HELLS: variants seen among roughly 807,000 people sequenced by gnomAD.
The protein encoded by HELLS is helicase, lymphoid specific.
In HELLS, 32 loss-of-function variants were observed where a neutral mutation model predicts 120.0. The ratio of observed to expected loss-of-function variants is 0.27; its 90% CI spans 0.20 to 0.36. The LOEUF (loss-of-function observed/expected upper bound fraction) is 0.36, where lower values mean the gene tolerates loss of function less well. Ranked by LOEUF, HELLS falls within the 10% of genes least tolerant of loss-of-function variation. The pLI is 1.00. For synonymous variants in HELLS, 341 were observed against 323.4 expected, an observed-to-expected ratio of 1.05 and a Z score of -0.58; for missense variants, 650 against 993.4, an observed-to-expected ratio of 0.65 and a Z score of 4.65.
intron 11 of HELLS, among the ~76,000 whole-genome samples, chr10:94,582,198 T>A (rs1438357054): frequency 6.6e-6 from 1 of 152,184 alleles, no homozygotes; most frequent in African/African-American, 2.4e-5. Context: ...TAATTTTAAA[T>A]TTTGGGAATT....
At chr10:94,549,877 A>AT (rs1452549242) in intron 2 of HELLS, among the ~76,000 whole-genome samples, 1 of 152,064 alleles carries the variant, frequency 6.6e-6, no homozygotes, top group East Asian at 1.9e-4. Flanking sequence ...ATTGTATATT[A>AT]TTTTTTTCCA....
At chr10:94,594,631 C>A in intron 18 of HELLS, 64 bp from the exon 19 acceptor site, 2 of 1,225,536 alleles carry the variant, frequency 1.6e-6, no homozygotes, top group Admixed American at 2.2e-5. Flanking sequence ...TGACTTTATC[C>A]ACATGAGTTT....
intron 10 of HELLS, 200 bp downstream of exon 10, chr10:94,577,005 A>G: frequency 5.0e-6 from 3 of 602,928 alleles, no homozygotes; most frequent in Admixed American, 3.0e-5. Flanking sequence ...TTGTAACAAT[A>G]TAATTAAAGC....
At chr10:94,559,281 G>T (rs1843429674) in intron 4 of HELLS, among the ~76,000 whole-genome samples, 1 of 151,966 alleles carries the variant, frequency 6.6e-6, no homozygotes. Flanking sequence ...TGGTGATTTT[G>T]CTGTTAAAAT....
In HELLS at chr10:94,601,522, C is replaced by T. The variant is rs781208007; in HGVS notation, c.2423-6C>T. 5.7e-6 allele frequency: 8 copies of T among 1,412,516 alleles called. No homozygotes were observed. The East Asian group carries it at 1.2e-4, about 20-fold the overall frequency. The allele number at this position is 1,412,516 out of a possible 1,614,324, so 87.5% of individuals were successfully genotyped here. A position where few individuals can be genotyped will look rare whatever the true frequency, so the allele number is the denominator to read the frequency against. On this transcript the variant is annotated splice_region_variant and splice_polypyrimidine_tract_variant and intron_variant, in intron 21 of 21. Coordinates refer to ENST00000348459, the MANE Select transcript of HELLS (RefSeq NM_018063.5). ...AAATGTACCTGTTTTAATGTTTTTC[C>T]CTTAGATCAAATGAATGCTTCAGGA... is the stretch of plus-strand genomic sequence containing the variant.
chr10:94,607,609 G>A (rs547290531), intron 8 of HELLS, among the ~76,000 whole-genome samples: 2 of 152,288 alleles, frequency 1.3e-5, no homozygotes, highest in South Asian at 4.2e-4. Context: ...GGTGTTAAGA[G>A]GTATGGTAAA....
chr10:94,593,380 G>T, intron 17 of HELLS, 119 bp from the exon 18 acceptor site: 2 of 627,942 alleles, frequency 3.2e-6, no homozygotes, highest in Non-Finnish European at 5.7e-6. Context: ...AGATCTGAAT[G>T]ATTTGTTTGG....
intron 21 of HELLS, among the ~76,000 whole-genome samples, chr10:94,598,677 T>C (rs1845866871): frequency 6.6e-6 from 1 of 151,646 alleles, no homozygotes; most frequent in Non-Finnish European, 1.5e-5. Context: ...GTCTCTTCAC[T>C]TACTTACTTA....
intron 4 of HELLS, among the ~76,000 whole-genome samples, chr10:94,561,075 CAA>C (rs35118357): frequency 1.4e-5 from 2 of 146,160 alleles, no homozygotes; most frequent in African/African-American, 5.0e-5. Flanking sequence ...AACAAAAAAA[CAA>C]AAAAAAAACC....
At position 94,562,735 on chromosome 10, in the gene HELLS, T is replaced by C. The variant is rs2134019192; in HGVS notation, c.370+8T>C. On this transcript the variant is annotated splice_region_variant and intron_variant, in intron 5 of 21. Transcript: ENST00000348459. ...CAAGTGAAGAGAAGCCAGGTAAATA[T>C]CCTTATTCTAGTTTTGAAGAATATG... 6.3e-7 allele frequency: 1 copy of C among 1,582,744 alleles called. No homozygotes were observed. Among genetic ancestry groups the C allele is most frequent in the Non-Finnish European group, 8.6e-7 (1 of 1,158,900 alleles).
intron 9 of HELLS, among the ~76,000 whole-genome samples, chr10:94,575,021 G>A (rs1280757527): frequency 6.6e-6 from 1 of 151,198 alleles, no homozygotes; most frequent in African/African-American, 2.4e-5. Context: ...TAAAAATTCT[G>A]CTTGTTCTTC....
At chr10:94,550,659 G>A (rs1009842895) in intron 2 of HELLS, among the ~76,000 whole-genome samples, 2 of 152,084 alleles carry the variant, frequency 1.3e-5, no homozygotes, top group Non-Finnish European at 2.9e-5. Flanking sequence ...GGAGGCTGAG[G>A]CGGGGCAGAT....
At chr10:94,591,823 A>C (rs1012101804) in intron 15 of HELLS, among the ~76,000 whole-genome samples, 1 of 152,204 alleles carries the variant, frequency 6.6e-6, no homozygotes, top group African/African-American at 2.4e-5. Flanking sequence ...CAATATTTAG[A>C]TTACTTATCA....
intron 13 of HELLS, among the ~76,000 whole-genome samples, chr10:94,589,762 C>T (rs1042903629): frequency 1.2e-4 from 17 of 137,888 alleles, no homozygotes; most frequent in Non-Finnish European, 2.4e-4. Flanking sequence ...TCTTGGCTTA[C>T]TGCAAGCTCC....
intron 8 of HELLS, 106 bp from the exon 9 acceptor site, chr10:94,574,448 T>A (rs1005335968): frequency 1.3e-5 from 12 of 895,968 alleles, no homozygotes; most frequent in Non-Finnish European, 1.9e-5. Flanking sequence ...AGCTTTAACA[T>A]AATTCTCATC....
At chr10:94,555,055 T>C (rs1429221367) in intron 3 of HELLS, among the ~76,000 whole-genome samples, 1 of 143,148 alleles carries the variant, frequency 7.0e-6, no homozygotes, top group African/African-American at 2.6e-5. Flanking sequence ...AGGCAGGAGG[T>C]TGGCTTGAGC....
intron 3 of HELLS, among the ~76,000 whole-genome samples, chr10:94,556,240 C>T (rs1343930731): frequency 6.6e-6 from 1 of 152,186 alleles, no homozygotes; most frequent in Non-Finnish European, 1.5e-5. Flanking sequence ...ATAGGGAAAA[C>T]CCCCACACAT....
At chr10:94,556,485 T>C (rs1416462660) in intron 3 of HELLS, among the ~76,000 whole-genome samples, 3 of 152,170 alleles carry the variant, frequency 2.0e-5, no homozygotes, top group Non-Finnish European at 4.4e-5. Context: ...ACTGCACATA[T>C]TTAAAATGTA....
At chr10:94,573,521 A>G (rs1311484008) in intron 7 of HELLS, among the ~76,000 whole-genome samples, 1 of 151,886 alleles carries the variant, frequency 6.6e-6, no homozygotes, top group Non-Finnish European at 1.5e-5. Context: ...GCTGGAGTGC[A>G]GTGGCTGTGT....
Sources: gnomAD v4.1 joint callset for allele counts (sites outside exome capture counted in the v4.1 genomes callset) on GRCh38, gnomAD v4.1.1 for gene constraint, MANE v1.5 for transcripts, NCBI Gene and HGNC (gene_info 2026-07-23, HGNC 2026-07-21) for gene names.